Variants in OSTF1 observed in about 807,000 individuals in gnomAD.
OSTF1 encodes the protein osteoclast stimulating factor 1.
Under a neutral mutation model 37.2 loss-of-function variants are expected in OSTF1, and 27 were observed. The ratio of observed to expected loss-of-function variants is 0.73; its 90% CI spans 0.54 to 1.00. The LOEUF (loss-of-function observed/expected upper bound fraction) is 1.00, where lower values mean the gene tolerates loss of function less well. Ranked by LOEUF, OSTF1 falls within the 50% of genes least tolerant of loss-of-function variation. The probability of loss-of-function intolerance (pLI) is 0.00; values close to 1 mark genes in which losing one functional copy is unlikely to be tolerated. For missense variants in OSTF1, 232 were observed against 253.8 expected (o/e 0.91, Z 0.58); for synonymous variants, 82 against 89.2 (o/e 0.92, Z 0.46).
At chr9:75,143,160 C>T (rs1054531439) in intron 9 of OSTF1, among the ~76,000 whole-genome samples, 2 of 151,976 alleles carry the variant, frequency 1.3e-5, no homozygotes, top group Non-Finnish European at 2.9e-5. Context: ...AGGCTGGTCT[C>T]GAACTCCTGA....
At chr9:75,112,586 G>C (rs180700234) in intron 1 of OSTF1, among the ~76,000 whole-genome samples, 1 of 152,188 alleles carries the variant, frequency 6.6e-6, no homozygotes, top group East Asian at 1.9e-4. Context: ...GTTGCCTGCT[G>C]TTCACTGTTT....
At chr9:75,142,579 T>A (rs1410699314) in intron 9 of OSTF1, among the ~76,000 whole-genome samples, 1 of 152,016 alleles carries the variant, frequency 6.6e-6, no homozygotes, top group Admixed American at 6.6e-5. Flanking sequence ...CAGGAGTGGT[T>A]TGAGTTGAGG....
At chr9:75,100,435 A>C (rs1193453065) in intron 1 of OSTF1, among the ~76,000 whole-genome samples, 1 of 151,638 alleles carries the variant, frequency 6.6e-6, no homozygotes, top group Non-Finnish European at 1.5e-5. Context: ...TTTTTTTTTA[A>C]AAAAGTCTCT....
chr9:75,140,786 C>T, intron 8 of OSTF1, 48 bp from the exon 9 acceptor site: 1 of 1,345,814 alleles, frequency 7.4e-7, no homozygotes. Flanking sequence ...TTGGCTACTA[C>T]TATATAGTCT....
chr9:75,097,080 A>G (rs1587436677), intron 1 of OSTF1, among the ~76,000 whole-genome samples: 1 of 152,218 alleles, frequency 6.6e-6, no homozygotes, highest in East Asian at 1.9e-4. Context: ...AGGCAAGGAA[A>G]GTGTCCATGA....
At chr9:75,104,386 A>G (rs1825249511) in intron 1 of OSTF1, among the ~76,000 whole-genome samples, 1 of 152,068 alleles carries the variant, frequency 6.6e-6, no homozygotes, top group Non-Finnish European at 1.5e-5. Flanking sequence ...TTACAAAAAA[A>G]TTTTTGAAAA....
At chr9:75,117,242 A>G (rs1255597715) in intron 1 of OSTF1, among the ~76,000 whole-genome samples, 1 of 152,198 alleles carries the variant, frequency 6.6e-6, no homozygotes, top group African/African-American at 2.4e-5. Flanking sequence ...TTTGAACTAT[A>G]TAATAATTGT....
At chr9:75,088,821 C>A in intron 1 of OSTF1, 95 bp downstream of exon 1, 1 of 1,255,498 alleles carries the variant, frequency 8.0e-7, no homozygotes, top group Non-Finnish European at 1.1e-6. Flanking sequence ...GGCGCGCACC[C>A]GGCCCCGAGC....
intron 3 of OSTF1, among the ~76,000 whole-genome samples, chr9:75,128,383 T>TTTTTTTTTTGTCC (rs1274162817): frequency 3.3e-5 from 3 of 91,618 alleles, no homozygotes; most frequent in African/African-American, 1.4e-4. Context: ...TATATATATA[T>TTTTTTTTTTGTCC]ATATATATAT....
chr9:75,143,206 AGTT>A (rs1254166990), intron 9 of OSTF1, among the ~76,000 whole-genome samples: 2 of 151,982 alleles, frequency 1.3e-5, no homozygotes, highest in East Asian at 3.9e-4. Flanking sequence ...CTCCCAAGGT[AGTT>A]GTTGTCTACT....
In OSTF1 at chr9:75,133,029, A is replaced by G. The variant is rs571797896; in HGVS notation, c.251-265A>G. Among the ~76,000 whole-genome samples the G allele has an allele frequency of 5.9e-5, 9 of 151,836 alleles. No individual in the cohort carries two copies. The South Asian group carries it at 1.7e-3, about 28-fold the overall frequency. Reference sequence around the variant, plus strand: ...CACACACACCCCTATATATTTTTTAACAGAATAGAAATACCTTAAGTATAC... The same window carrying G: ...CACACACACCCCTATATATTTTTTAGCAGAATAGAAATACCTTAAGTATAC... On this transcript the variant is annotated intron_variant, in intron 5 of 9. Coordinates refer to ENST00000346234, the MANE Select transcript of OSTF1 (RefSeq NM_012383.5).
chr9:75,098,933 T>C (rs1299077081), intron 1 of OSTF1, among the ~76,000 whole-genome samples: 2 of 152,224 alleles, frequency 1.3e-5, no homozygotes, highest in Non-Finnish European at 2.9e-5. Context: ...TTTTTTCTTT[T>C]TTATTTACTT....
At chr9:75,124,994 G>C (rs566775602) in intron 2 of OSTF1, among the ~76,000 whole-genome samples, 1 of 152,114 alleles carries the variant, frequency 6.6e-6, no homozygotes, top group Admixed American at 6.6e-5. Context: ...AGCCCAGGAC[G>C]GCTCATAGAT....
At chr9:75,118,025 A>G (rs1825519899) in intron 2 of OSTF1, among the ~76,000 whole-genome samples, 2 of 152,194 alleles carry the variant, frequency 1.3e-5, no homozygotes, top group South Asian at 2.1e-4. Flanking sequence ...AGCGCCTATT[A>G]TATGCCAGAC....
At chr9:75,128,034 C>G (rs187166582) in intron 3 of OSTF1, among the ~76,000 whole-genome samples, 1 of 151,720 alleles carries the variant, frequency 6.6e-6, no homozygotes, top group Admixed American at 6.6e-5. Flanking sequence ...AGATGAGTTG[C>G]AAAGTAAAAT....
intron 1 of OSTF1, among the ~76,000 whole-genome samples, chr9:75,112,092 A>G (rs1825401282): frequency 6.7e-6 from 1 of 148,794 alleles, no homozygotes; most frequent in Non-Finnish European, 1.5e-5. Flanking sequence ...CTGGGATTAC[A>G]GGCATGAGCC....
intron 1 of OSTF1, among the ~76,000 whole-genome samples, chr9:75,103,712 C>A (rs962808226): frequency 1.3e-5 from 2 of 152,182 alleles, no homozygotes; most frequent in Non-Finnish European, 1.5e-5. Context: ...TGACTCACTG[C>A]AGCTTCCACT....
chr9:75,110,240 A>G (rs894509599), intron 1 of OSTF1, among the ~76,000 whole-genome samples: 3 of 152,234 alleles, frequency 2.0e-5, no homozygotes, highest in African/African-American at 4.8e-5. Context: ...TCCACTGTAC[A>G]CTGCCTTTTC....
Position 75,095,007 on chromosome 9 carries a change from G to A in OSTF1, c.34+6281G>A, listed in dbSNP as rs530735807. Among the ~76,000 whole-genome samples the A allele has an allele frequency of 2.6e-5, 4 of 152,300 alleles. No individual in the cohort carries two copies. The South Asian group carries it at 8.3e-4, about 32-fold the overall frequency. ...ATCGTGCCACTGCACTCCAGCCTGG[G>A]TGACAGAGCGAGACCCTGTCTCAAA... is the stretch of plus-strand genomic sequence containing the variant. On this transcript the variant is annotated intron_variant, in intron 1 of 9. Transcript: ENST00000346234.
Sources: allele counts gnomAD v4.1 joint callset (sites outside exome capture counted in the v4.1 genomes callset), GRCh38; gene constraint gnomAD v4.1.1; transcripts MANE v1.5; gene names NCBI Gene and HGNC (gene_info 2026-07-23, HGNC 2026-07-21).